The following LCA5 variants were observed in gnomAD, a reference collection of about 807,000 sequenced individuals.
The protein encoded by LCA5 is lebercilin LCA5, also known as lebercilin.
Under a neutral mutation model 53.0 loss-of-function variants are expected in LCA5, and 37 were observed. The ratio of observed to expected loss-of-function variants is 0.70; its 90% CI spans 0.54 to 0.92. The LOEUF is 0.92. Among genes scored for constraint, LCA5 ranks in the 40% least tolerant of loss-of-function variants. The pLI is 0.00. For synonymous variants in LCA5, 303 were observed against 282.9 expected, an observed-to-expected ratio of 1.07 and a Z score of -0.71; for missense variants, 806 against 790.5, an observed-to-expected ratio of 1.02 and a Z score of -0.23.
chr6:79,528,401 C>T (rs1326060333), intron 1 of LCA5, among the ~76,000 whole-genome samples: 1 of 152,114 alleles, frequency 6.6e-6, no homozygotes, highest in Non-Finnish European at 1.5e-5. Flanking sequence ...ATACCCAGTG[C>T]TAACGTCATG....
At chr6:79,499,710 T>G (rs1201173625) in intron 3 of LCA5, among the ~76,000 whole-genome samples, 2 of 151,790 alleles carry the variant, frequency 1.3e-5, no homozygotes, top group African/African-American at 4.8e-5. Context: ...TTATTATTAT[T>G]ATACTTTAAG....
chr6:79,486,009 T>G lies in LCA5; in HGVS notation c.*995A>C, dbSNP rs1056347246. 6.6e-6 allele frequency: 1 copy of G among 152,216 alleles called. No individual in the cohort carries two copies. The highest frequency in any genetic ancestry group is 1.5e-5 in the Non-Finnish European group (1 of 68,030). The allele number at this position is 152,216 out of a possible 1,614,324, so 9.4% of individuals were successfully genotyped here. A position where few individuals can be genotyped will look rare whatever the true frequency, so the allele number is the denominator to read the frequency against. ...ATGTCTGAAACACTTCTATTCAAAG[T>G]TGCTTTAAAACTAATCCTGTAAGTC... On this transcript the variant is annotated 3_prime_UTR_variant, in exon 8 of 8. Transcript: ENST00000369846.
At chr6:79,524,667 C>T (rs1374704459) in intron 1 of LCA5, among the ~76,000 whole-genome samples, 1 of 152,120 alleles carries the variant, frequency 6.6e-6, no homozygotes, top group Non-Finnish European at 1.5e-5. Flanking sequence ...AATTTACACT[C>T]TAGTTATACT....
Position 79,487,329 on chromosome 6 carries a change from T to G in LCA5, c.1769A>C (p.Asp590Ala), listed in dbSNP as rs771460783. The G allele has an allele frequency of 1.2e-6, 2 of 1,614,012 alleles. No individual in the cohort carries two copies. Among genetic ancestry groups the G allele is most frequent in the African/African-American group, 2.7e-5 (2 of 75,048 alleles). The change falls in exon 8 of 8, where the codon GAT becomes GCT. Residue 590 changes from aspartate (D) to alanine (A), a missense_variant. By Grantham distance (126) the Asp-to-Ala change is moderately radical. Transcript: ENST00000369846. ...TTTTCTTGTAATTAAATCTACACCA[T>G]CTTTACTAAGTTTTTCCATACTGTT... The part of the protein sequence containing the change: ...QRNSMEKLSK[D>A]GVDLITRKEK...
chr6:79,505,470 C>T (rs1770250331), intron 3 of LCA5, among the ~76,000 whole-genome samples: 1 of 151,996 alleles, frequency 6.6e-6, no homozygotes, highest in South Asian at 2.1e-4. Flanking sequence ...ATATAATTTA[C>T]CATGTTAAAA....
At chr6:79,522,257 C>A (rs1766646904) in intron 1 of LCA5, among the ~76,000 whole-genome samples, 1 of 151,976 alleles carries the variant, frequency 6.6e-6, no homozygotes, top group Non-Finnish European at 1.5e-5. Flanking sequence ...AGACGAGTGA[C>A]ATTTCACAAC....
intron 3 of LCA5, among the ~76,000 whole-genome samples, chr6:79,504,908 A>G (rs1480316525): frequency 2.0e-5 from 3 of 152,208 alleles, no homozygotes. Flanking sequence ...TGTATTGAAC[A>G]ATGTGTATGG....
chr6:79,513,590 C>A lies in LCA5; in HGVS notation c.342G>T (p.Glu114Asp). 6.2e-7 allele frequency: 1 copy of A among 1,613,888 alleles called. No individual in the cohort carries two copies. Among genetic ancestry groups the A allele is most frequent in the Non-Finnish European group, 8.5e-7 (1 of 1,179,876 alleles). The change falls in exon 3 of 8, where the codon GAG (glutamate) becomes GAT (aspartate). Residue 114 changes from glutamate to aspartate, a missense_variant. Transcript: ENST00000369846. ...ILSARLLKIN[E>D]LQNEVSELQV... ...GGAGTTCAGATACTTCATTCTGCAA[C>A]TCATTGATTTTTAGCAGTCTTGCAG...
At chr6:79,506,497 C>T (rs1251577115) in intron 3 of LCA5, among the ~76,000 whole-genome samples, 1 of 152,182 alleles carries the variant, frequency 6.6e-6, no homozygotes, top group African/African-American at 2.4e-5. Context: ...ACAACCCCAA[C>T]AGTAAGTCTT....
rs1766312597 is a variant in LCA5 at position 79,513,415 on chromosome 6, CTTT to C, written c.514_516del (p.Lys172del). On this transcript the variant is annotated inframe_deletion, in exon 3 of 8. Transcript: ENST00000369846. ...TTCTCTTGAGATTTTCTTAAGCGTT[CTTT>C]GAGTGCTGTAATCTCATTGTTATGA... 3 of 1,613,634 alleles carry C rather than the reference CTTT, an allele frequency of 1.9e-6. No homozygotes were observed. The highest frequency in any genetic ancestry group is 1.1e-5 in the South Asian group (1 of 91,068).
intron 2 of LCA5, among the ~76,000 whole-genome samples, chr6:79,514,769 C>T (rs1460688071): frequency 2.0e-5 from 3 of 152,026 alleles, no homozygotes; most frequent in Non-Finnish European, 4.4e-5. Flanking sequence ...GAACAGAAAA[C>T]CAGTAACACA....
intron 1 of LCA5, among the ~76,000 whole-genome samples, chr6:79,531,037 A>G (rs1582657739): frequency 2.0e-5 from 3 of 152,114 alleles, no homozygotes; most frequent in African/African-American, 7.2e-5. Context: ...CTTTGCAAAG[A>G]TTTAGGAAAC....
At chr6:79,501,116 C>T (rs1440616130) in intron 3 of LCA5, among the ~76,000 whole-genome samples, 1 of 151,998 alleles carries the variant, frequency 6.6e-6, no homozygotes, top group African/African-American at 2.4e-5. Context: ...ACTTTTAACC[C>T]AGGGCTCCCC....
chr6:79,486,022 A>G lies in LCA5; in HGVS notation c.*982T>C, dbSNP rs1316377787. On this transcript the variant is annotated 3_prime_UTR_variant, in exon 8 of 8. Coordinates refer to ENST00000369846, the MANE Select transcript of LCA5 (RefSeq NM_001122769.3). ...TTCTATTCAAAGTTGCTTTAAAACT[A>G]ATCCTGTAAGTCCAATAGTATTACA... The G allele has an allele frequency of 2.0e-5, 3 of 152,204 alleles. No individual in the cohort carries two copies. The highest frequency in any genetic ancestry group is 4.4e-5 in the Non-Finnish European group (3 of 68,026). 9.4% of individuals were successfully genotyped at this position (152,204 alleles called of 1,614,324 possible).
Position 79,518,862 on chromosome 6 carries a change from A to G in LCA5, c.33T>C (p.Asp11=). The change falls in exon 2 of 8, where the codon GAT becomes GAC. Residue 11 remains aspartate, a synonymous_variant. Coordinates refer to ENST00000369846, the MANE Select transcript of LCA5 (RefSeq NM_001122769.3). Reference sequence around the variant, plus strand: ...GGTGTTTGCCTGCCTTTCTTTCTTGATCAGTACCTGGACTTCCTGCTCTTT... The same window carrying G: ...GGTGTTTGCCTGCCTTTCTTTCTTGGTCAGTACCTGGACTTCCTGCTCTTT... MGERAGSPGT[D]QERKAGKHHY... 6.2e-7 allele frequency: 1 copy of G among 1,614,136 alleles called. No homozygotes were observed. The highest frequency in any genetic ancestry group is 8.5e-7 in the Non-Finnish European group (1 of 1,180,002).
At chr6:79,502,117 A>C (rs932953787) in intron 3 of LCA5, among the ~76,000 whole-genome samples, 7 of 152,164 alleles carry the variant, frequency 4.6e-5, no homozygotes, top group African/African-American at 1.7e-4. Context: ...TTTACCTCGG[A>C]AAACACTGGT....
At chr6:79,529,525 G>A (rs762201031) in intron 1 of LCA5, among the ~76,000 whole-genome samples, 1 of 151,888 alleles carries the variant, frequency 6.6e-6, no homozygotes, top group African/African-American at 2.4e-5. Flanking sequence ...AAGGAGATGG[G>A]GTAATCCATC....
chr6:79,485,583 G>A lies in LCA5; in HGVS notation c.*1421C>T, dbSNP rs1769628130. 1 of 152,102 alleles carries A rather than the reference G, an allele frequency of 6.6e-6. No homozygotes were observed. The highest frequency in any genetic ancestry group is 1.5e-5 in the Non-Finnish European group (1 of 68,002). 9.4% of individuals were successfully genotyped at this position (152,102 alleles called of 1,614,324 possible). A position where few individuals can be genotyped will look rare whatever the true frequency, so the allele number is the denominator to read the frequency against. On this transcript the variant is annotated 3_prime_UTR_variant, in exon 8 of 8. Coordinates refer to ENST00000369846, the MANE Select transcript of LCA5 (RefSeq NM_001122769.3). ...CATCTTTTAATTGGAGACCTAACCA[G>A]GTAAGTCTTGACAAATAGTCATGCA...
chr6:79,519,597 G>T (rs1331026081), intron 1 of LCA5, among the ~76,000 whole-genome samples: 1 of 151,556 alleles, frequency 6.6e-6, no homozygotes, highest in Admixed American at 6.6e-5. Context: ...CACGCCTGTA[G>T]TCCCAGCTAC....
Sources: allele counts gnomAD v4.1 joint callset (sites outside exome capture counted in the v4.1 genomes callset), GRCh38; gene constraint gnomAD v4.1.1; transcripts MANE v1.5; gene names NCBI Gene and HGNC (gene_info 2026-07-23, HGNC 2026-07-21).